LRRC52: variants seen among roughly 807,000 people sequenced by gnomAD.
LRRC52 encodes the protein leucine rich repeat containing 52.
LRRC52 carries 15 observed loss-of-function variants against 14.7 expected under a neutral mutation model. That is an observed-to-expected ratio of 1.02 (90% confidence interval 0.68 to 1.58). The LOEUF (loss-of-function observed/expected upper bound fraction) is 1.58. LRRC52 is among the 40% of genes most tolerant of loss of function. The pLI is 0.00. For missense variants in LRRC52, 400 were observed against 387.7 expected, an observed-to-expected ratio of 1.03 and a Z score of -0.27; for synonymous variants, 180 against 163.9, an observed-to-expected ratio of 1.10 and a Z score of -0.75.
At position 165,544,540 on chromosome 1, in the gene LRRC52, T is replaced by C; in HGVS notation, c.244T>C (p.Leu82=). Residue 82 remains leucine (L), a synonymous_variant, in exon 1 of 2, where the codon TTG becomes CTG. Coordinates refer to ENST00000294818, the MANE Select transcript of LRRC52 (RefSeq NM_001005214.4). ...AGGACTCCTCAGTGACCTTGTTTAT[T>C]TGGACTGTCAGAACAACCGGATTCG... ...HLGLLSDLVY[L]DCQNNRIREV... The C allele has an allele frequency of 6.2e-7, 1 of 1,614,118 alleles. No homozygotes were observed. Among genetic ancestry groups the C allele is most frequent in the Non-Finnish European group, 8.5e-7 (1 of 1,180,022 alleles).
intron 1 of LRRC52, among the ~76,000 whole-genome samples, chr1:165,545,492 A>T (rs552823456): frequency 6.6e-6 from 1 of 152,142 alleles, no homozygotes; most frequent in Non-Finnish European, 1.5e-5. Flanking sequence ...AGAAGGAAGA[A>T]AGGGCTTTTG....
chr1:165,557,244 A>G (rs1661254138), intron 1 of LRRC52, among the ~76,000 whole-genome samples: 1 of 152,122 alleles, frequency 6.6e-6, no homozygotes, highest in Non-Finnish European at 1.5e-5. Flanking sequence ...TCCCAGTTCA[A>G]GGCTTATACC....
In LRRC52 at chr1:165,563,934, A is replaced by C; in HGVS notation, c.*110A>C. The C allele has an allele frequency of 8.5e-7, 1 of 1,172,006 alleles. No individual in the cohort carries two copies. The allele number at this position is 1,172,006 out of a possible 1,614,324, so 72.6% of individuals were successfully genotyped here. The stretch of plus-strand genomic sequence containing the variant: ...CATAGAGATTGAAACCTTCTAGTAA[A>C]ATAAATAAAATCTCTGATGGCCATT... On this transcript the variant is annotated 3_prime_UTR_variant, in exon 2 of 2. Transcript: ENST00000294818.
intron 1 of LRRC52, among the ~76,000 whole-genome samples, chr1:165,561,568 G>GCCCT (rs1191547114): frequency 6.6e-6 from 1 of 152,216 alleles, no homozygotes; most frequent in Non-Finnish European, 1.5e-5. Context: ...TGCAACTTCA[G>GCCCT]CCCTCAACTC....
chr1:165,548,249 G>A (rs1370838865), intron 1 of LRRC52, among the ~76,000 whole-genome samples: 2 of 152,196 alleles, frequency 1.3e-5, no homozygotes, highest in Non-Finnish European at 2.9e-5. Flanking sequence ...ATATGAGAGT[G>A]CATATATATT....
chr1:165,544,978 A>C lies in LRRC52; in HGVS notation c.622+60A>C, dbSNP rs916695391. On this transcript the variant is annotated intron_variant, in intron 1 of 1. Transcript: ENST00000294818. ...GATTGAAGTGGCTCCAGAAAAGGTGAACTCAAAAGATGGTCAGAATGGGAG... is the reference window on the plus strand; with the variant it reads ...GATTGAAGTGGCTCCAGAAAAGGTGCACTCAAAAGATGGTCAGAATGGGAG... 3.2e-6 allele frequency: 5 copies of C among 1,582,710 alleles called. No homozygotes were observed. The African/African-American group carries it at 6.8e-5, about 21-fold the overall frequency.
At chr1:165,559,044 A>G (rs1408169502) in intron 1 of LRRC52, among the ~76,000 whole-genome samples, 1 of 152,256 alleles carries the variant, frequency 6.6e-6, no homozygotes, top group Non-Finnish European at 1.5e-5. Context: ...TTCTACCAGG[A>G]AGACCTAACA....
chr1:165,563,687 T>C lies in LRRC52; in HGVS notation c.805T>C (p.Cys269Arg). The change falls in exon 2 of 2, where the codon TGT becomes CGT. Residue 269 changes from cysteine (C) to arginine (R), a missense_variant. Cys to Arg is a radical substitution (Grantham distance 180, BLOSUM62 -3). Coordinates refer to ENST00000294818, the MANE Select transcript of LRRC52 (RefSeq NM_001005214.4). ...TGTGGCTGCCTGGCTCACAGGTGTG[T>C]GTGCTGTGCTCTACCAGAACACCCG... Reference protein sequence around the residue: ...GTVAAWLTGVCAVLYQNTRHK... With the variant: ...GTVAAWLTGVRAVLYQNTRHK... 2 of 1,614,142 alleles carry C rather than the reference T, an allele frequency of 1.2e-6. No individual in the cohort carries two copies. Among genetic ancestry groups the C allele is most frequent in the African/African-American group, 1.3e-5 (1 of 75,036 alleles).
At chr1:165,550,180 C>A (rs1661102870) in intron 1 of LRRC52, among the ~76,000 whole-genome samples, 1 of 152,160 alleles carries the variant, frequency 6.6e-6, no homozygotes, top group East Asian at 1.9e-4. Flanking sequence ...GAGTTCTTCC[C>A]AGGATATTTG....
rs1660984015 is a variant in LRRC52, at chr1:165,544,797, T to C, written c.501T>C (p.Ser167=). 3 of 1,613,946 alleles carry C rather than the reference T, an allele frequency of 1.9e-6. No individual in the cohort carries two copies. The highest frequency in any genetic ancestry group is 2.5e-6 in the Non-Finnish European group (3 of 1,180,014). Residue 167 remains serine (S), a synonymous_variant, in exon 1 of 2, where the codon AGT becomes AGC. Coordinates refer to ENST00000294818, the MANE Select transcript of LRRC52 (RefSeq NM_001005214.4). ...LRNTGLQTLD[S]AALYHLTTLE... ...ATACCGGCTTGCAGACCCTGGACAG[T>C]GCTGCCTTATACCACCTCACTACTC...
At chr1:165,559,258 G>A (rs556389432) in intron 1 of LRRC52, among the ~76,000 whole-genome samples, 8 of 152,180 alleles carry the variant, frequency 5.3e-5, no homozygotes, top group African/African-American at 9.6e-5. Context: ...GCGTGGTGGC[G>A]TGTGCCTGTA....
chr1:165,558,615 G>C (rs1661285188), intron 1 of LRRC52, among the ~76,000 whole-genome samples: 1 of 151,998 alleles, frequency 6.6e-6, no homozygotes, highest in Non-Finnish European at 1.5e-5. Flanking sequence ...CATCATACTA[G>C]AATAGTAAAA....
At chr1:165,558,337 A>G (rs577782176) in intron 1 of LRRC52, among the ~76,000 whole-genome samples, 1 of 152,222 alleles carries the variant, frequency 6.6e-6, no homozygotes, top group Non-Finnish European at 1.5e-5. Context: ...TGTCTATAAA[A>G]TTAATGGAAG....
intron 1 of LRRC52, among the ~76,000 whole-genome samples, chr1:165,561,308 A>G (rs754979984): frequency 4.0e-5 from 6 of 151,324 alleles, no homozygotes; most frequent in Non-Finnish European, 8.8e-5. Context: ...AATGAGATAA[A>G]CCCCCCTAGA....
In LRRC52 at chr1:165,544,230, G is replaced by T. The variant is rs574523821; in HGVS notation, c.-67G>T. On this transcript the variant is annotated 5_prime_UTR_variant, in exon 1 of 2. Transcript: ENST00000294818. ...CCCTCCCCCGCCCCACCCCCCCACCGGCAGCCTTCGGATCAGAGGACAGAG... is the reference window on the plus strand; with the variant it reads ...CCCTCCCCCGCCCCACCCCCCCACCTGCAGCCTTCGGATCAGAGGACAGAG... 4.5e-6 allele frequency: 2 copies of T among 448,152 alleles called. No individual in the cohort carries two copies. Among genetic ancestry groups the T allele is most frequent in the African/African-American group, 2.3e-5 (1 of 42,662 alleles). The allele number at this position is 448,152 out of a possible 1,614,324, so 27.8% of individuals were successfully genotyped here. A position where few individuals can be genotyped will look rare whatever the true frequency, so the allele number is the denominator to read the frequency against.
intron 1 of LRRC52, among the ~76,000 whole-genome samples, chr1:165,559,063 T>C (rs1468247154): frequency 1.3e-5 from 2 of 152,334 alleles, no homozygotes; most frequent in African/African-American, 4.8e-5. Flanking sequence ...CAATTATAAC[T>C]TTGTATGCAC....
intron 1 of LRRC52, among the ~76,000 whole-genome samples, chr1:165,547,378 A>T (rs115411995): frequency 1.2e-4 from 19 of 152,260 alleles, no homozygotes; most frequent in Non-Finnish European, 2.6e-4. Flanking sequence ...GCCGCTTGGA[A>T]CTGGGAAATG....
chr1:165,558,560 G>A (rs2101832322), intron 1 of LRRC52, among the ~76,000 whole-genome samples: 1 of 152,288 alleles, frequency 6.6e-6, no homozygotes, highest in South Asian at 2.1e-4. Flanking sequence ...CCTAGCACAT[G>A]TCAGGCACTC....
At chr1:165,547,090 C>T (rs1241244618) in intron 1 of LRRC52, among the ~76,000 whole-genome samples, 1 of 151,926 alleles carries the variant, frequency 6.6e-6, no homozygotes, top group Non-Finnish European at 1.5e-5. Flanking sequence ...AAACTTGTGC[C>T]CTCAGCCTGT....
Sources: gnomAD v4.1 joint callset for allele counts (sites outside exome capture counted in the v4.1 genomes callset) on GRCh38, gnomAD v4.1.1 for gene constraint, MANE v1.5 for transcripts, NCBI Gene and HGNC (gene_info 2026-07-23, HGNC 2026-07-21) for gene names.